GALNT1: variants seen among roughly 807,000 people sequenced by gnomAD.
The protein encoded by GALNT1 is polypeptide N-acetylgalactosaminyltransferase 1.
A neutral mutation model predicts 65.7 loss-of-function variants in GALNT1; 17 were observed. The observed-to-expected ratio is 0.26, with a 90% CI of 0.18 to 0.39. The LOEUF (loss-of-function observed/expected upper bound fraction) is 0.39, where lower values mean the gene tolerates loss of function less well. Among genes scored for constraint, GALNT1 ranks in the 10% least tolerant of loss-of-function variants. The pLI is 1.00. For missense variants in GALNT1, 460 were observed against 672.8 expected (o/e 0.68, Z 3.50); for synonymous variants, 210 against 219.7 (o/e 0.96, Z 0.39).
At chr18:35,631,038 G>T (rs1253202165) in intron 1 of GALNT1, among the ~76,000 whole-genome samples, 1 of 152,092 alleles carries the variant, frequency 6.6e-6, no homozygotes, top group African/African-American at 2.4e-5. Flanking sequence ...TCAATAACAG[G>T]CTCTGAAATT....
intron 1 of GALNT1, among the ~76,000 whole-genome samples, chr18:35,625,930 A>C (rs2046911212): frequency 6.6e-6 from 1 of 152,156 alleles, no homozygotes; most frequent in East Asian, 1.9e-4. Flanking sequence ...ACTCTTTAGC[A>C]TGATAGTTAA....
intron 1 of GALNT1, among the ~76,000 whole-genome samples, chr18:35,588,206 T>C (rs1464797649): frequency 6.6e-6 from 1 of 152,176 alleles, no homozygotes; most frequent in Non-Finnish European, 1.5e-5. Context: ...TTATTTTCTC[T>C]GGTTATGGGA....
chr18:35,641,303 C>T (rs866902270), intron 1 of GALNT1, among the ~76,000 whole-genome samples: 29 of 152,086 alleles, frequency 1.9e-4, no homozygotes, highest in Admixed American at 1.2e-3. Flanking sequence ...AAAAATTAGG[C>T]GGGCATGATG....
intron 3 of GALNT1, among the ~76,000 whole-genome samples, chr18:35,676,969 G>A (rs1393273308): frequency 6.6e-6 from 1 of 152,142 alleles, no homozygotes; most frequent in South Asian, 2.1e-4. Context: ...TTTAGTGAAC[G>A]AGATACATGT....
At chr18:35,692,871 A>G (rs932163572) in intron 9 of GALNT1, among the ~76,000 whole-genome samples, 4 of 152,186 alleles carry the variant, frequency 2.6e-5, no homozygotes, top group Non-Finnish European at 5.9e-5. Context: ...AATCTCAGGA[A>G]AAGTGGCCTC....
At chr18:35,584,607 C>T (rs2046359186) in intron 1 of GALNT1, among the ~76,000 whole-genome samples, 1 of 152,226 alleles carries the variant, frequency 6.6e-6, no homozygotes, top group South Asian at 2.1e-4. Context: ...CCCAGTCTCT[C>T]TGGCACCAGG....
At chr18:35,674,600 T>G (rs1366025020) in intron 3 of GALNT1, among the ~76,000 whole-genome samples, 1 of 152,200 alleles carries the variant, frequency 6.6e-6, no homozygotes, top group Non-Finnish European at 1.5e-5. Context: ...GGGGCCAGTT[T>G]GTATGTATAT....
chr18:35,674,198 A>G (rs1046040970), intron 3 of GALNT1, among the ~76,000 whole-genome samples: 2 of 152,236 alleles, frequency 1.3e-5, no homozygotes, highest in Non-Finnish European at 2.9e-5. Flanking sequence ...GGCCTAAGAC[A>G]TTACTGTATA....
chr18:35,604,464 T>A (rs945903597), intron 1 of GALNT1, among the ~76,000 whole-genome samples: 2 of 152,216 alleles, frequency 1.3e-5, no homozygotes, highest in African/African-American at 4.8e-5. Context: ...GGTCAAGTAG[T>A]AGTTCTAAGT....
intron 1 of GALNT1, among the ~76,000 whole-genome samples, chr18:35,646,693 C>G (rs532013328): frequency 1.4e-4 from 22 of 152,278 alleles, no homozygotes; most frequent in African/African-American, 5.3e-4. Flanking sequence ...CTAAGTCCAG[C>G]CCACACTCTA....
rs530799006 is a variant in GALNT1 at position 35,630,523 on chromosome 18, A to G, written c.-103-24037A>G. Among the ~76,000 whole-genome samples, 82 of 152,358 alleles carry G rather than the reference A, an allele frequency of 5.4e-4. 1 individual carries two copies. Among genetic ancestry groups the G allele is most frequent in the African/African-American group, 1.9e-3 (81 of 41,584 alleles). On this transcript the variant is annotated intron_variant, in intron 1 of 11. Coordinates refer to ENST00000269195, the MANE Select transcript of GALNT1 (RefSeq NM_020474.4). ...AAACCAGCAAGAACAAAGACACAAC[A>G]TACCAGAATCTCTGGGACACATTTA...
intron 3 of GALNT1, among the ~76,000 whole-genome samples, chr18:35,674,107 G>A (rs1029314152): frequency 5.9e-5 from 9 of 152,190 alleles, no homozygotes; most frequent in Non-Finnish European, 7.3e-5. Flanking sequence ...TTGTACACCT[G>A]TATAGGGCAC....
rs141850537 is a variant in GALNT1 at position 35,689,302 on chromosome 18, T to TC, written c.978+12_978+13insC. The stretch of plus-strand genomic sequence containing the variant: ...AAATTTCCTTTAGGGTAAGTTCCCT[T>TC]AAAAAAATTTAATCTTTTATTTAAC... On this transcript the variant is annotated intron_variant, in intron 7 of 11. Transcript: ENST00000269195. The TC allele has an allele frequency of 4.1e-5, 58 of 1,419,752 alleles. No individual in the cohort carries two copies. The highest frequency in any genetic ancestry group is 4.9e-5 in the Non-Finnish European group (50 of 1,015,998). 87.9% of individuals were successfully genotyped at this position (1,419,752 alleles called of 1,614,324 possible).
At chr18:35,626,697 G>C (rs909208453) in intron 1 of GALNT1, among the ~76,000 whole-genome samples, 2 of 152,172 alleles carry the variant, frequency 1.3e-5, no homozygotes, top group East Asian at 3.8e-4. Flanking sequence ...GAAATCATGA[G>C]GGTCCTGCGT....
At chr18:35,597,751 T>C (rs1568012872) in intron 1 of GALNT1, among the ~76,000 whole-genome samples, 1 of 152,178 alleles carries the variant, frequency 6.6e-6, no homozygotes, top group Non-Finnish European at 1.5e-5. Context: ...AGCATATGTG[T>C]ACTTTTAAAA....
intron 1 of GALNT1, among the ~76,000 whole-genome samples, chr18:35,641,332 A>G (rs72960702): frequency 0.095 from 14,509 of 152,212 alleles, 839 homozygotes; most frequent in African/African-American, 0.17. Context: ...CTGTAGTCCT[A>G]GCTCGGAGGC....
chr18:35,638,259 G>A (rs774363518), intron 1 of GALNT1, among the ~76,000 whole-genome samples: 15 of 152,174 alleles, frequency 9.9e-5, no homozygotes, highest in Non-Finnish European at 1.5e-4. Context: ...ATGGATGAAC[G>A]GATGCACTCA....
chr18:35,612,951 G>A (rs903127322), intron 1 of GALNT1, among the ~76,000 whole-genome samples: 6 of 151,786 alleles, frequency 4.0e-5, no homozygotes, highest in African/African-American at 1.4e-4. Context: ...AAAATTTTAT[G>A]TTTAAAAAAA....
intron 1 of GALNT1, among the ~76,000 whole-genome samples, chr18:35,647,309 C>T (rs576827472): frequency 2.0e-5 from 3 of 152,298 alleles, no homozygotes; most frequent in East Asian, 1.9e-4. Context: ...TGATTATTAA[C>T]GTCTGCTTCC....
Sources: allele counts gnomAD v4.1 joint callset (sites outside exome capture counted in the v4.1 genomes callset), GRCh38; gene constraint gnomAD v4.1.1; transcripts MANE v1.5; gene names NCBI Gene and HGNC (gene_info 2026-07-23, HGNC 2026-07-21).